The following MAP7 variants were observed in gnomAD, a reference collection of about 807,000 sequenced individuals.
The protein encoded by MAP7 is microtubule associated protein 7.
MAP7 carries 52 observed loss-of-function variants against 94.8 expected under a neutral mutation model. The ratio of observed to expected loss-of-function variants is 0.55; its 90% CI spans 0.44 to 0.69. The LOEUF is 0.69. Ranked by LOEUF, MAP7 falls within the 30% of genes least tolerant of loss-of-function variation. The pLI is 0.00. For synonymous variants in MAP7, 350 were observed against 357.0 expected (o/e 0.98, Z 0.22); for missense variants, 940 against 964.6 (o/e 0.97, Z 0.34).
intron 1 of MAP7, among the ~76,000 whole-genome samples, chr6:136,527,506 C>T (rs771614084): frequency 6.6e-6 from 1 of 152,164 alleles, no homozygotes; most frequent in Non-Finnish European, 1.5e-5. Context: ...CTCTAAATCT[C>T]TTGCGTGGAA....
intron 1 of MAP7, among the ~76,000 whole-genome samples, chr6:136,530,526 G>A (rs772519490): frequency 1.4e-5 from 2 of 146,906 alleles, no homozygotes; most frequent in Non-Finnish European, 2.9e-5. Context: ...GCCAGCACAG[G>A]TTGACATGGA....
chr6:136,538,556 C>T (rs1829058522), intron 1 of MAP7, among the ~76,000 whole-genome samples: 1 of 151,828 alleles, frequency 6.6e-6, no homozygotes, highest in Non-Finnish European at 1.5e-5. Context: ...GAGGCCGAGG[C>T]AGGAGGATCA....
chr6:136,356,393 C>T (rs1790945228), intron 16 of MAP7, among the ~76,000 whole-genome samples: 1 of 152,118 alleles, frequency 6.6e-6, no homozygotes, highest in Admixed American at 6.6e-5. Context: ...CTAGAACTCT[C>T]AGCCTTAAGT....
intron 6 of MAP7, among the ~76,000 whole-genome samples, chr6:136,378,198 C>T (rs1341641830): frequency 6.6e-6 from 1 of 152,162 alleles, no homozygotes; most frequent in Non-Finnish European, 1.5e-5. Flanking sequence ...ATCTATAACT[C>T]CAGAGTGGTA....
chr6:136,472,481 A>T (rs1809361924), intron 1 of MAP7, among the ~76,000 whole-genome samples: 1 of 152,194 alleles, frequency 6.6e-6, no homozygotes, highest in African/African-American at 2.4e-5. Flanking sequence ...ATGTGTAAGA[A>T]ACTCTTGTAC....
At chr6:136,354,363 G>A (rs1790194959) in intron 16 of MAP7, among the ~76,000 whole-genome samples, 1 of 137,014 alleles carries the variant, frequency 7.3e-6, no homozygotes, top group Non-Finnish European at 1.6e-5. Context: ...TATATATATA[G>A]TAGATATATA....
rs151025491 is a variant in MAP7, at chr6:136,488,026, T to C, written c.67+62316A>G. ...GGCTTATGCTTTATTTACTTTCACA[T>C]TATGTTCATATTTAGCTAATTGTAA... On this transcript the variant is annotated intron_variant, in intron 1 of 17. Transcript: ENST00000354570. 3.8e-3 allele frequency among the ~76,000 whole-genome samples: 573 copies of C among 152,322 alleles called. 4 individuals are homozygous for C. The highest frequency in any genetic ancestry group is 0.013 in the African/African-American group (551 of 41,582).
At chr6:136,397,484 A>C (rs1355354305) in intron 3 of MAP7, among the ~76,000 whole-genome samples, 1 of 152,124 alleles carries the variant, frequency 6.6e-6, no homozygotes, top group African/African-American at 2.4e-5. Context: ...TATTGACTGA[A>C]TTGTTCCCCG....
intron 1 of MAP7, among the ~76,000 whole-genome samples, chr6:136,487,521 C>T (rs1395975195): frequency 1.3e-5 from 2 of 151,774 alleles, no homozygotes; most frequent in African/African-American, 2.4e-5. Flanking sequence ...GGTAACATAG[C>T]GAGATCCCGT....
chr6:136,401,712 G>A (rs1474470897), intron 3 of MAP7, among the ~76,000 whole-genome samples: 2 of 151,460 alleles, frequency 1.3e-5, no homozygotes, highest in African/African-American at 2.4e-5. Flanking sequence ...GCACACCAAC[G>A]TGGCACATGT....
intron 1 of MAP7, among the ~76,000 whole-genome samples, chr6:136,541,088 G>A (rs892914947): frequency 6.6e-6 from 1 of 152,186 alleles, no homozygotes; most frequent in Non-Finnish European, 1.5e-5. Context: ...AATGCAAGAA[G>A]TAAGCAACCA....
In MAP7 at chr6:136,360,642, T is replaced by C. The variant is rs1367785219; in HGVS notation, c.1803+55A>G. 3 of 1,509,972 alleles carry C rather than the reference T, an allele frequency of 2.0e-6. No individual in the cohort carries two copies. In the Admixed American group the frequency reaches 5.1e-5, roughly 26 times the overall value. The allele number at this position is 1,509,972 out of a possible 1,614,324, so 93.5% of individuals were successfully genotyped here. On this transcript the variant is annotated intron_variant, in intron 13 of 17. Coordinates refer to ENST00000354570, the MANE Select transcript of MAP7 (RefSeq NM_003980.6). Reference sequence around the variant, plus strand: ...TTTTCTGACGGCCAGGGCTAGTCTCTGGGTCTTAGAGGTGCAAGTTCGCGT... The same window carrying C: ...TTTTCTGACGGCCAGGGCTAGTCTCCGGGTCTTAGAGGTGCAAGTTCGCGT...
intron 1 of MAP7, among the ~76,000 whole-genome samples, chr6:136,428,341 C>A (rs1445596086): frequency 6.6e-6 from 1 of 152,080 alleles, no homozygotes; most frequent in East Asian, 1.9e-4. Flanking sequence ...CATGGTGAAA[C>A]CTCGTCCCTA....
At position 136,462,754 on chromosome 6, in the gene MAP7, G is replaced by A. The variant is rs1805653845; in HGVS notation, c.68-40955C>T. ...AGGTAGGCGGATCACCTGAGCTCAGGAGTGTGAGACAAGCCTGGACAACAT... is the reference window on the plus strand; with the variant it reads ...AGGTAGGCGGATCACCTGAGCTCAGAAGTGTGAGACAAGCCTGGACAACAT... On this transcript the variant is annotated intron_variant, in intron 1 of 17. Transcript: ENST00000354570. 2.6e-5 allele frequency among the ~76,000 whole-genome samples: 4 copies of A among 151,982 alleles called. No homozygotes were observed. The South Asian group carries it at 8.3e-4, about 32-fold the overall frequency.
chr6:136,525,582 T>G (rs867530739), intron 1 of MAP7, among the ~76,000 whole-genome samples: 4 of 152,204 alleles, frequency 2.6e-5, no homozygotes, highest in African/African-American at 9.7e-5. Context: ...TAAACATCTC[T>G]AGGCCAAGAA....
intron 1 of MAP7, among the ~76,000 whole-genome samples, chr6:136,452,741 T>C (rs1029148185): frequency 7.2e-5 from 11 of 152,036 alleles, no homozygotes; most frequent in African/African-American, 9.7e-5. Flanking sequence ...TTAGTAGAGA[T>C]AGGGTTTCAC....
chr6:136,463,723 A>C (rs1806002849), intron 1 of MAP7, among the ~76,000 whole-genome samples: 1 of 152,166 alleles, frequency 6.6e-6, no homozygotes. Flanking sequence ...GGGCCACTTT[A>C]TAAAGGAGGA....
At chr6:136,354,040 G>C (rs1790036666) in intron 16 of MAP7, among the ~76,000 whole-genome samples, 1 of 149,488 alleles carries the variant, frequency 6.7e-6, no homozygotes, top group Non-Finnish European at 1.5e-5. Flanking sequence ...AAATGAACAA[G>C]GGCTATAGAA....
intron 16 of MAP7, among the ~76,000 whole-genome samples, chr6:136,351,169 A>C (rs1322439983): frequency 6.6e-6 from 1 of 151,300 alleles, no homozygotes; most frequent in Non-Finnish European, 1.5e-5. Flanking sequence ...GTCACAATGG[A>C]GGTTAAGACA....
Sources: allele counts gnomAD v4.1 joint callset (sites outside exome capture counted in the v4.1 genomes callset), GRCh38; gene constraint gnomAD v4.1.1; transcripts MANE v1.5; gene names NCBI Gene and HGNC (gene_info 2026-07-23, HGNC 2026-07-21).